PHF20: variants seen among roughly 807,000 people sequenced by gnomAD.
The protein encoded by PHF20 is glioma-expressed antigen 2.
A neutral mutation model predicts 113.5 loss-of-function variants in PHF20; 23 were observed. The observed-to-expected ratio is 0.20, with a 90% CI of 0.15 to 0.29. The LOEUF is 0.29. Ranked by LOEUF, PHF20 falls within the 10% of genes least tolerant of loss-of-function variation. The probability of loss-of-function intolerance (pLI) is 1.00; values close to 1 mark genes in which losing one functional copy is unlikely to be tolerated. For missense variants in PHF20, 943 were observed against 1,219.6 expected (o/e 0.77, Z 3.38); for synonymous variants, 434 against 457.3 (o/e 0.95, Z 0.65).
At chr20:35,772,549 C>A (rs1427334849) in intron 1 of PHF20, among the ~76,000 whole-genome samples, 1 of 152,176 alleles carries the variant, frequency 6.6e-6, no homozygotes, top group Non-Finnish European at 1.5e-5. Flanking sequence ...TTTCTCAAGA[C>A]CCCAAATATG....
At chr20:35,870,898 GCA>G in intron 7 of PHF20, 55 bp from the exon 8 acceptor site, 1 of 1,306,056 alleles carries the variant, frequency 7.7e-7, no homozygotes, top group Non-Finnish European at 1.1e-6. Flanking sequence ...ATCTGTAGTA[GCA>G]CAGTTATTTC....
At chr20:35,899,290 AG>A in intron 9 of PHF20, 79 bp from the exon 10 acceptor site, 1 of 1,168,248 alleles carries the variant, frequency 8.6e-7, no homozygotes, top group Non-Finnish European at 1.2e-6. Context: ...TTTCACCCTC[AG>A]TTGTCATGTG....
chr20:35,772,116 C>CGGGTT (rs1157593987), intron 1 of PHF20, 37 bp downstream of exon 1: 2 of 149,512 alleles, frequency 1.3e-5, no homozygotes, highest in Non-Finnish European at 3.0e-5. Flanking sequence ...CCGGCCGGGC[C>CGGGTT]GGGTTGGGCC....
intron 1 of PHF20, among the ~76,000 whole-genome samples, chr20:35,787,096 A>T (rs2041434843): frequency 6.7e-6 from 1 of 150,256 alleles, no homozygotes; most frequent in Non-Finnish European, 1.5e-5. Context: ...GGCTCAAGTG[A>T]TTCTCCAGCC....
At chr20:35,802,583 T>TAA in intron 2 of PHF20, among the ~76,000 whole-genome samples, 2 of 152,096 alleles carry the variant, frequency 1.3e-5, no homozygotes. Context: ...TGTAGGAAGA[T>TAA]AAGACAGGAG....
At chr20:35,785,884 T>C (rs2041398898) in intron 1 of PHF20, among the ~76,000 whole-genome samples, 1 of 147,264 alleles carries the variant, frequency 6.8e-6, no homozygotes. Context: ...TACAAAAAAT[T>C]AGCTGGGCAT....
At chr20:35,786,993 T>C (rs2041432391) in intron 1 of PHF20, among the ~76,000 whole-genome samples, 1 of 150,468 alleles carries the variant, frequency 6.6e-6, no homozygotes, top group Non-Finnish European at 1.5e-5. Context: ...TTCCTGTTTT[T>C]TTTTTTTTTT....
At chr20:35,862,891 A>G (rs916562034) in intron 5 of PHF20, 122 bp from the exon 6 acceptor site, 1 of 910,492 alleles carries the variant, frequency 1.1e-6, no homozygotes, top group Non-Finnish European at 1.7e-6. Context: ...TGCTTTGTAT[A>G]TGTGATCTGG....
intron 5 of PHF20, among the ~76,000 whole-genome samples, chr20:35,860,386 A>G (rs955633571): frequency 2.0e-5 from 3 of 151,308 alleles, no homozygotes; most frequent in African/African-American, 7.3e-5. Context: ...GACTACAGGC[A>G]TGCACCACTA....
chr20:35,880,063 C>T (rs1051761336), intron 9 of PHF20, among the ~76,000 whole-genome samples: 3 of 152,142 alleles, frequency 2.0e-5, no homozygotes, highest in Admixed American at 6.5e-5. Context: ...CTTACTGAGC[C>T]TTTACCATAT....
At chr20:35,805,224 G>A (rs1376491508) in intron 2 of PHF20, among the ~76,000 whole-genome samples, 2 of 151,726 alleles carry the variant, frequency 1.3e-5, no homozygotes, top group African/African-American at 2.4e-5. Context: ...TTCCAGACAA[G>A]GTCTCATTCT....
chr20:35,784,379 A>G lies in PHF20; in HGVS notation c.-33+12300A>G, dbSNP rs571850450. Among the ~76,000 whole-genome samples the G allele has an allele frequency of 5.4e-5, 8 of 148,182 alleles. No homozygotes were observed. The East Asian group carries it at 1.7e-3, about 31-fold the overall frequency. On this transcript the variant is annotated intron_variant, in intron 1 of 17. Coordinates refer to ENST00000374012, the MANE Select transcript of PHF20 (RefSeq NM_016436.5). ...ATTTTTTTTCCCCTCATTTTCACAC[A>G]CACAAAACTAACAGTAATCCCTTAA...
intron 14 of PHF20, among the ~76,000 whole-genome samples, chr20:35,929,701 A>G (rs1156733708): frequency 6.6e-6 from 1 of 152,188 alleles, no homozygotes; most frequent in African/African-American, 2.4e-5. Context: ...TCTTCATCAA[A>G]TCCTGTGCAC....
In PHF20 at chr20:35,941,056, CCTTCAT is replaced by C. The variant is rs2055968736; in HGVS notation, c.2896+10_2896+15del. ...TGAGAAGGAGTTGGATGGTAGGGCT[CCTTCAT>C]TGGCCCCCTGTGCATTGGCATGCAG... On this transcript the variant is annotated intron_variant, in intron 17 of 17. Coordinates refer to ENST00000374012, the MANE Select transcript of PHF20 (RefSeq NM_016436.5). 6.8e-6 allele frequency: 11 copies of C among 1,608,858 alleles called. No individual in the cohort carries two copies. Among genetic ancestry groups the C allele is most frequent in the Non-Finnish European group, 8.5e-6 (10 of 1,176,582 alleles).
intron 2 of PHF20, among the ~76,000 whole-genome samples, chr20:35,824,813 A>G (rs190589971): frequency 1.6e-3 from 249 of 152,182 alleles, no homozygotes; most frequent in African/African-American, 5.9e-3. Flanking sequence ...CTTTCCCTCT[A>G]TATATATGCC....
chr20:35,834,785 A>G (rs1159362522), intron 2 of PHF20, among the ~76,000 whole-genome samples: 2 of 152,194 alleles, frequency 1.3e-5, no homozygotes, highest in East Asian at 3.8e-4. Context: ...CATAGGGCAT[A>G]GTTCCTGCCC....
Position 35,899,415 on chromosome 20 carries a change from C to T in PHF20, c.1328C>T (p.Ala443Val), listed in dbSNP as rs777991726. 38 of 1,613,528 alleles carry T rather than the reference C, an allele frequency of 2.4e-5. No individual in the cohort carries two copies. The highest frequency in any genetic ancestry group is 1.3e-5 in the African/African-American group (1 of 74,920). The change falls in exon 10 of 18, where the codon GCA becomes GTA. Residue 443 changes from alanine (A) to valine (V), a missense_variant. Ala to Val is a moderately conservative substitution (Grantham distance 64). Transcript: ENST00000374012. ...KKTDDFGSSN[A>V]PAVDLDHKFR... is the part of the protein sequence containing the mutation. ...ACAGATGATTTTGGGTCATCTAATGCACCAGCTGTCGACCTAGACCATAAG... is the reference window on the plus strand; with the variant it reads ...ACAGATGATTTTGGGTCATCTAATGTACCAGCTGTCGACCTAGACCATAAG...
chr20:35,893,179 T>A (rs1191340737), intron 9 of PHF20, among the ~76,000 whole-genome samples: 1 of 152,238 alleles, frequency 6.6e-6, no homozygotes, highest in Non-Finnish European at 1.5e-5. Flanking sequence ...GAATCAAGGA[T>A]TTTGCTTTTG....
chr20:35,862,787 A>G (rs1431321703), intron 5 of PHF20, among the ~76,000 whole-genome samples: 1 of 152,202 alleles, frequency 6.6e-6, no homozygotes, highest in Non-Finnish European at 1.5e-5. Context: ...CTTATTCGTC[A>G]TAATAAGGGA....
Sources: allele counts gnomAD v4.1 joint callset (sites outside exome capture counted in the v4.1 genomes callset), GRCh38; gene constraint gnomAD v4.1.1; transcripts MANE v1.5; gene names NCBI Gene and HGNC (gene_info 2026-07-23, HGNC 2026-07-21).